Variants in MYO10 observed in about 807,000 individuals in gnomAD.
The protein encoded by MYO10 is myosin X, also known as unconventional myosin-X.
A neutral mutation model predicts 257.3 loss-of-function variants in MYO10; 133 were observed. The observed-to-expected ratio is 0.52, with a 90% CI of 0.45 to 0.60. MYO10 has a LOEUF of 0.60. Ranked by LOEUF, MYO10 falls within the 20% of genes least tolerant of loss-of-function variation. The pLI is 0.00. For missense variants in MYO10, 2,399 were observed against 2,635.7 expected (o/e 0.91, Z 1.97); for synonymous variants, 1,104 against 1,028.6 (o/e 1.07, Z -1.40).
intron 37 of MYO10, among the ~76,000 whole-genome samples, 185 bp from the exon 38 acceptor site, chr5:16,671,727 TG>T (rs1736474346): frequency 6.6e-6 from 1 of 152,236 alleles, no homozygotes; most frequent in Non-Finnish European, 1.5e-5. Flanking sequence ...ATCCTGATTT[TG>T]CTTTAAGAAA....
intron 1 of MYO10, among the ~76,000 whole-genome samples, chr5:16,909,356 A>C (rs1745597424): frequency 6.6e-6 from 1 of 151,996 alleles, no homozygotes; most frequent in Admixed American, 6.6e-5. Flanking sequence ...AAATACAAAA[A>C]ATTAGCCAGC....
At position 16,761,486 on chromosome 5, in the gene MYO10, G is replaced by A; in HGVS notation, c.1717C>T (p.Leu573Phe). 2 of 1,613,288 alleles carry A rather than the reference G, an allele frequency of 1.2e-6. No individual in the cohort carries two copies. Among genetic ancestry groups the A allele is most frequent in the South Asian group, 1.1e-5 (1 of 91,040 alleles). The change falls in exon 17 of 41, where the codon CTC (leucine) becomes TTC (phenylalanine). Residue 573 changes from leucine to phenylalanine, a missense_variant. Leu to Phe is a conservative substitution (Grantham distance 22). Coordinates refer to ENST00000513610, the MANE Select transcript of MYO10 (RefSeq NM_012334.3). ...TACCGGCTTTCTCTTAGCAAATTGA[G>A]AAGGTCATCTCGAAATGTATCTCTG... ...KNRDTFRDDLLNLLRESRFDF... is the reference protein window; with the variant it reads ...KNRDTFRDDLFNLLRESRFDF...
chr5:16,739,367 T>C (rs1739932454), intron 19 of MYO10, among the ~76,000 whole-genome samples: 1 of 152,210 alleles, frequency 6.6e-6, no homozygotes, highest in Non-Finnish European at 1.5e-5. Flanking sequence ...TACTAAAACA[T>C]GTTCTTATTG....
rs1315074809 is a variant in MYO10, at chr5:16,701,399, G to T, written c.2996C>A (p.Ala999Asp). ...GGAGTCCTTGAAGGCGTCGTCGTCG[G>T]CTTCGAAGCCCTCATCGACCTCCTC... ...PEEEVDEGFEADDDAFKDSPN... is the reference protein window; with the variant it reads ...PEEEVDEGFEDDDDAFKDSPN... Residue 999 changes from alanine (A) to aspartate (D), a missense_variant, in exon 25 of 41, where the codon GCC becomes GAC. Around this residue, in one of 3 missense-constraint regions of MYO10, gnomAD observed 1,820 missense variants for 1,939.4 expected, o/e 0.94. Transcript: ENST00000513610. The surrounding 1 kb of genome is among the most constrained non-coding windows in gnomAD (Gnocchi z 8.1). The T allele has an allele frequency of 6.2e-7, 1 of 1,613,952 alleles. No individual in the cohort carries two copies. The highest frequency in any genetic ancestry group is 8.5e-7 in the Non-Finnish European group (1 of 1,179,890).
At chr5:16,874,344 C>CTGGG (rs796101418) in intron 2 of MYO10, among the ~76,000 whole-genome samples, 11 of 28,446 alleles carry the variant, frequency 3.9e-4, no homozygotes, top group East Asian at 2.5e-3. Flanking sequence ...AAAAAAAAAG[C>CTGGG]GGGGGGGGGG....
chr5:16,863,903 G>A (rs1392365538), intron 2 of MYO10, among the ~76,000 whole-genome samples: 1 of 152,168 alleles, frequency 6.6e-6, no homozygotes, highest in South Asian at 2.1e-4. Context: ...TTCGTGACCA[G>A]CCTGGGCAAC....
intron 1 of MYO10, among the ~76,000 whole-genome samples, chr5:16,909,604 C>A (rs151103585): frequency 4.1e-4 from 63 of 151,978 alleles, no homozygotes; most frequent in African/African-American, 1.4e-3. Flanking sequence ...ATTCAATTAC[C>A]TTCCACTGGG....
chr5:16,709,221 C>G (rs1387482206), intron 21 of MYO10, among the ~76,000 whole-genome samples: 1 of 152,186 alleles, frequency 6.6e-6, no homozygotes, highest in Admixed American at 6.5e-5. Context: ...CAAAGTCTAC[C>G]TCTAAGCCAA....
chr5:16,881,394 C>T (rs1051860706), intron 1 of MYO10, among the ~76,000 whole-genome samples: 4 of 152,292 alleles, frequency 2.6e-5, no homozygotes, highest in Non-Finnish European at 5.9e-5. Flanking sequence ...TACAAAAGCC[C>T]TTTGTTGACA....
At position 16,807,158 on chromosome 5, in the gene MYO10, G is replaced by A. The variant is rs775659963; in HGVS notation, c.279+10851C>T. On this transcript the variant is annotated intron_variant, in intron 3 of 40. Transcript: ENST00000513610. ...CGTTTCCTTCTCTCTCAAACACCTC[G>A]GCTAAATACGGCAGTGACTTACTTC... 1.1e-4 allele frequency among the ~76,000 whole-genome samples: 17 copies of A among 152,058 alleles called. No individual in the cohort carries two copies. The East Asian group carries it at 1.2e-3, about 10-fold the overall frequency.
intron 22 of MYO10, among the ~76,000 whole-genome samples, chr5:16,704,148 C>A (rs1383632822): frequency 6.6e-6 from 1 of 151,626 alleles, no homozygotes; most frequent in African/African-American, 2.4e-5. Context: ...TGAAGTGACC[C>A]ATCTCTAAAA....
rs777101395 is a variant in MYO10 at position 16,703,171 on chromosome 5, G to A, written c.2277-13C>T. On this transcript the variant is annotated splice_polypyrimidine_tract_variant and intron_variant, in intron 22 of 40. Coordinates refer to ENST00000513610, the MANE Select transcript of MYO10 (RefSeq NM_012334.3). ...TCTGTATTGTTTTCTGAAAATGAAA[G>A]AAAACAAGAGAATCGGCATTGAAGT... 4 of 1,563,598 alleles carry A rather than the reference G, an allele frequency of 2.6e-6. No individual in the cohort carries two copies. In the Middle Eastern group the frequency reaches 5.0e-4, roughly 196 times the overall value.
intron 21 of MYO10, among the ~76,000 whole-genome samples, 191 bp from the exon 22 acceptor site, chr5:16,704,876 A>T (rs1296329630): frequency 1.3e-5 from 2 of 152,232 alleles, no homozygotes. Context: ...GCAAAATCCA[A>T]TAAAGATATA....
At chr5:16,818,544 C>T (rs564698647) in intron 2 of MYO10, among the ~76,000 whole-genome samples, 35 of 151,894 alleles carry the variant, frequency 2.3e-4, no homozygotes, top group African/African-American at 8.4e-4. Flanking sequence ...TCAAGTGATC[C>T]TCCCACCTCA....
At chr5:16,699,877 C>A (rs191281596) in intron 25 of MYO10, among the ~76,000 whole-genome samples, 1 of 150,966 alleles carries the variant, frequency 6.6e-6, no homozygotes, top group Non-Finnish European at 1.5e-5. Context: ...ACAAATAATT[C>A]GGAATTAAAA....
intron 1 of MYO10, among the ~76,000 whole-genome samples, chr5:16,912,425 T>C (rs1237203581): frequency 6.6e-6 from 1 of 152,200 alleles, no homozygotes; most frequent in Non-Finnish European, 1.5e-5. Flanking sequence ...GTGCACGCAC[T>C]TTCCTTACCT....
chr5:16,718,009 G>C (rs31295), intron 19 of MYO10, among the ~76,000 whole-genome samples: 124,842 of 152,198 alleles, frequency 0.82, 51,419 homozygotes, highest in Non-Finnish European at 0.84. Flanking sequence ...AGCTGGAGTT[G>C]CGGGTGGGCG....
intron 27 of MYO10, among the ~76,000 whole-genome samples, chr5:16,692,043 T>C (rs1302934212): frequency 6.6e-6 from 1 of 152,158 alleles, no homozygotes; most frequent in Non-Finnish European, 1.5e-5. Context: ...AGTGACAACA[T>C]CTAGACCTCA....
chr5:16,752,617 C>T (rs1579950543), intron 19 of MYO10, among the ~76,000 whole-genome samples: 2 of 152,188 alleles, frequency 1.3e-5, no homozygotes, highest in African/African-American at 2.4e-5. Context: ...GACAAAAGAC[C>T]TTGCACGTTT....
Sources: gnomAD v4.1 joint callset for allele counts (sites outside exome capture counted in the v4.1 genomes callset) on GRCh38, gnomAD v4.1.1 for gene constraint, gnomAD v4.1.1 regional missense constraint, Gnocchi (gnomAD v3.1) non-coding constraint, MANE v1.5 for transcripts, NCBI Gene and HGNC (gene_info 2026-07-23, HGNC 2026-07-21) for gene names.